The following GLIS3 variants were observed in gnomAD, a reference collection of about 807,000 sequenced individuals.
GLIS3 encodes the protein GLIS family zinc finger 3, also known as zinc finger protein GLIS3.
GLIS3 carries 53 observed loss-of-function variants against 78.6 expected under a neutral mutation model. That is an observed-to-expected ratio of 0.67 (90% CI 0.54 to 0.85). The LOEUF (loss-of-function observed/expected upper bound fraction) is 0.85. GLIS3 is among the 40% of genes least tolerant of loss of function. The pLI is 0.00. For synonymous variants in GLIS3, 684 were observed against 509.9 expected, an observed-to-expected ratio of 1.34 and a Z score of -4.60; for missense variants, 1,703 against 1,231.1, an observed-to-expected ratio of 1.38 and a Z score of -5.74.
chr9:4,458,121 C>A, the GLIS3 span, among the ~76,000 whole-genome samples: 1 of 152,050 alleles, frequency 6.6e-6, no homozygotes, highest in East Asian at 1.9e-4. Context: ...ACTCATCTTC[C>A]CTACCTGATC....
At chr9:4,087,659 T>A (rs1035142383) in intron 4 of GLIS3, among the ~76,000 whole-genome samples, 1 of 152,144 alleles carries the variant, frequency 6.6e-6, no homozygotes, top group Non-Finnish European at 1.5e-5. Context: ...ACAACAGATT[T>A]AAGGGGGAAA....
At chr9:4,054,969 T>C (rs556952492) in intron 4 of GLIS3, among the ~76,000 whole-genome samples, 175 of 151,390 alleles carry the variant, frequency 1.2e-3, no homozygotes, top group African/African-American at 4.0e-3. Context: ...TTCCTGGGAT[T>C]TAACAAGGAT....
chr9:4,275,360 C>T (rs908323671), intron 2 of GLIS3, among the ~76,000 whole-genome samples: 6 of 152,132 alleles, frequency 3.9e-5, no homozygotes, highest in African/African-American at 1.4e-4. Context: ...GGAATGGCAG[C>T]ACCCTGTATT....
At chr9:4,070,598 TAGTG>T (rs1827511418) in intron 4 of GLIS3, among the ~76,000 whole-genome samples, 1 of 152,026 alleles carries the variant, frequency 6.6e-6, no homozygotes, top group South Asian at 2.1e-4. Context: ...TGTATGTGGG[TAGTG>T]AGTATGTATG....
intron 4 of GLIS3, among the ~76,000 whole-genome samples, chr9:3,954,857 C>T (rs766764861): frequency 1.3e-5 from 2 of 152,154 alleles, no homozygotes; most frequent in Non-Finnish European, 2.9e-5. Flanking sequence ...AAGCTTTTTA[C>T]TTCATTTGGT....
At chr9:3,939,664 G>GT in intron 4 of GLIS3, among the ~76,000 whole-genome samples, 1 of 152,026 alleles carries the variant, frequency 6.6e-6, no homozygotes, top group Non-Finnish European at 1.5e-5. Flanking sequence ...TGTTTCCTCT[G>GT]TAACAAGAAA....
intron 9 of GLIS3, among the ~76,000 whole-genome samples, chr9:3,845,562 T>A (rs149583647): frequency 5.5e-4 from 83 of 152,276 alleles, no homozygotes; most frequent in African/African-American, 1.8e-3. Flanking sequence ...TTTTATAATA[T>A]AAAAAGTCAG....
intron 1 of GLIS3, among the ~76,000 whole-genome samples, chr9:4,296,108 T>C (rs900621804): frequency 6.6e-6 from 1 of 151,912 alleles, no homozygotes; most frequent in Non-Finnish European, 1.5e-5. Context: ...TCTCCAGAGA[T>C]GAGAAATGTG....
At chr9:3,835,560 T>C (rs1818298407) in intron 9 of GLIS3, among the ~76,000 whole-genome samples, 1 of 152,218 alleles carries the variant, frequency 6.6e-6, no homozygotes, top group South Asian at 2.1e-4. Flanking sequence ...TCAGGAGTCA[T>C]CTATTGTTTG....
chr9:4,348,171 A>G (rs1817918394), intron 1 of GLIS3: 1 of 152,248 alleles, frequency 6.6e-6, no homozygotes, highest in African/African-American at 2.4e-5. Flanking sequence ...CTGTGTTAGA[A>G]TTAGGTTTGT....
rs35310357 is a variant in GLIS3 at position 4,162,854 on chromosome 9, C to CA, written c.389-36914dup. Among the ~76,000 whole-genome samples the CA allele has an allele frequency of 9.2e-3, 683 of 73,862 alleles. 15 individuals are homozygous for CA. Among genetic ancestry groups the CA allele is most frequent in the Non-Finnish European group, 0.012 (482 of 40,040 alleles). 48.5% of individuals were successfully genotyped at this position (73,862 alleles called of 152,430 possible). ...CCCGGGCGACAGAGTCTCGCTCTGT[C>CA]AAAAAAAAAAAAAAAAAAAAAAAAA... is the stretch of plus-strand genomic sequence containing the variant. On this transcript the variant is annotated intron_variant, in intron 2 of 10. Coordinates refer to ENST00000381971, the MANE Select transcript of GLIS3 (RefSeq NM_001042413.2).
At chr9:4,018,887 G>C (rs1822645891) in intron 4 of GLIS3, among the ~76,000 whole-genome samples, 1 of 152,188 alleles carries the variant, frequency 6.6e-6, no homozygotes, top group Non-Finnish European at 1.5e-5. Context: ...GCTTAGAAAA[G>C]CAAGTGTGAA....
chr9:4,355,343 G>A, the GLIS3 span, among the ~76,000 whole-genome samples: 1 of 152,012 alleles, frequency 6.6e-6, no homozygotes, highest in Non-Finnish European at 1.5e-5. Flanking sequence ...TGTAAGGCAG[G>A]GCTCATTTAG....
At chr9:3,844,722 CTTAAATAA>C (rs1818931772) in intron 9 of GLIS3, among the ~76,000 whole-genome samples, 1 of 152,110 alleles carries the variant, frequency 6.6e-6, no homozygotes, top group South Asian at 2.1e-4. Context: ...GTGAAAGATA[CTTAAATAA>C]TGTAAAAACC....
Position 4,125,635 on chromosome 9 carries a change from T to A in GLIS3, c.596+99A>T, listed in dbSNP as rs1259070183. On this transcript the variant is annotated intron_variant, in intron 3 of 10. Coordinates refer to ENST00000381971, the MANE Select transcript of GLIS3 (RefSeq NM_001042413.2). ...TTGCTTGAGTGTGTAAGTGTATGAG[T>A]GTGTGTGTGTGTGTGTGTGTATTCA... The A allele has an allele frequency of 4.2e-4, 117 of 278,258 alleles. No individual in the cohort carries two copies. In the South Asian group the frequency reaches 4.9e-3, roughly 12 times the overall value. The allele number at this position is 278,258 out of a possible 1,614,324, so 17.2% of individuals were successfully genotyped here. A position where few individuals can be genotyped will look rare whatever the true frequency, so the allele number is the denominator to read the frequency against.
upstream of GLIS3, among the ~76,000 whole-genome samples, chr9:4,301,985 TTTTTTTC>T (rs1468125443): frequency 2.1e-4 from 32 of 150,708 alleles, no homozygotes; most frequent in Admixed American, 1.5e-3. Context: ...TTTGGTTGAA[TTTTTTTC>T]TTTTTTTTTT....
the GLIS3 span, among the ~76,000 whole-genome samples, chr9:4,403,352 A>C: frequency 2.0e-5 from 3 of 152,222 alleles, no homozygotes; most frequent in African/African-American, 7.2e-5. Context: ...AATGACCAAG[A>C]AGAAATCATC....
At chr9:4,086,521 A>C (rs1290698346) in intron 4 of GLIS3, among the ~76,000 whole-genome samples, 6 of 152,252 alleles carry the variant, frequency 3.9e-5, no homozygotes, top group Non-Finnish European at 1.5e-5. Context: ...TGAATTCAAT[A>C]AAATTGAAAA....
chr9:4,213,191 T>C (rs1820524487), intron 2 of GLIS3, among the ~76,000 whole-genome samples: 1 of 152,142 alleles, frequency 6.6e-6, no homozygotes, highest in Non-Finnish European at 1.5e-5. Context: ...ACTCCAGCTG[T>C]TTCCTTGATG....
Sources: allele counts gnomAD v4.1 joint callset (sites outside exome capture counted in the v4.1 genomes callset), GRCh38; gene constraint gnomAD v4.1.1; transcripts MANE v1.5; gene names NCBI Gene and HGNC (gene_info 2026-07-23, HGNC 2026-07-21).